PSTPIP2: variants seen among roughly 807,000 people sequenced by gnomAD.
PSTPIP2 encodes proline-serine-threonine phosphatase interacting protein 2.
In PSTPIP2, 33 loss-of-function variants were observed where a neutral mutation model predicts 63.3. That is an observed-to-expected ratio of 0.52 (90% CI 0.40 to 0.70). PSTPIP2 has a LOEUF of 0.70. PSTPIP2 is among the 30% of genes least tolerant of loss of function. PSTPIP2 has a pLI of 0.00. For synonymous variants in PSTPIP2, 125 were observed against 132.7 expected, an observed-to-expected ratio of 0.94 and a Z score of 0.40; for missense variants, 312 against 400.7, an observed-to-expected ratio of 0.78 and a Z score of 1.89.
chr18:46,028,468 A>G, intron 2 of PSTPIP2: 1 of 605,884 alleles, frequency 1.7e-6, no homozygotes, highest in Non-Finnish European at 3.2e-6. Context: ...CCGGCCGTGG[A>G]GTGGTGCCTG....
intron 2 of PSTPIP2, among the ~76,000 whole-genome samples, chr18:46,025,578 T>A (rs1344134472): frequency 1.3e-5 from 2 of 151,776 alleles, no homozygotes; most frequent in East Asian, 3.9e-4. Flanking sequence ...TAGTAACACA[T>A]CATATAGAAT....
chr18:45,990,471 CCAGGCTGGAGTGCAGTGGTG>C (rs1324901826), intron 13 of PSTPIP2, among the ~76,000 whole-genome samples: 1 of 151,868 alleles, frequency 6.6e-6, no homozygotes, highest in Non-Finnish European at 1.5e-5. Context: ...GACTCTGTCA[CCAGGCTGGAGTGCAGTGGTG>C]CAATCTTGGC....
chr18:46,010,000 C>T (rs1266955942), intron 5 of PSTPIP2, among the ~76,000 whole-genome samples: 1 of 152,216 alleles, frequency 6.6e-6, no homozygotes, highest in Non-Finnish European at 1.5e-5. Flanking sequence ...ATGTTCATTT[C>T]TACCCTTCCT....
At position 46,024,579 on chromosome 18, in the gene PSTPIP2, C is replaced by G. The variant is rs768504593; in HGVS notation, c.212+30G>C. ...GAGCTCCCAGGCATTATTAACCAACCTGGAAACCAGAAAAAAACTTGATAC... is the reference window on the plus strand; with the variant it reads ...GAGCTCCCAGGCATTATTAACCAACGTGGAAACCAGAAAAAAACTTGATAC... On this transcript the variant is annotated intron_variant, in intron 3 of 14. Coordinates refer to ENST00000409746, the MANE Select transcript of PSTPIP2 (RefSeq NM_024430.4). 8 of 1,590,188 alleles carry G rather than the reference C, an allele frequency of 5.0e-6. No homozygotes were observed. In the South Asian group the frequency reaches 8.8e-5, roughly 18 times the overall value.
intron 12 of PSTPIP2, among the ~76,000 whole-genome samples, chr18:45,991,032 A>G (rs7237598): frequency 0.24 from 36,563 of 152,038 alleles, 6,279 homozygotes; most frequent in African/African-American, 0.47. Flanking sequence ...TTAGCTGGGT[A>G]GGAAAGACTT....
intron 3 of PSTPIP2, among the ~76,000 whole-genome samples, chr18:46,019,239 T>A (rs371620925): frequency 2.0e-5 from 3 of 152,216 alleles, no homozygotes; most frequent in East Asian, 1.9e-4. Flanking sequence ...ATGCATCATT[T>A]TATATATATA....
chr18:46,049,940 G>A (rs1330358709), intron 1 of PSTPIP2, among the ~76,000 whole-genome samples: 1 of 151,828 alleles, frequency 6.6e-6, no homozygotes, highest in Admixed American at 6.6e-5. Flanking sequence ...ATATAAACAG[G>A]CAACACTCTA....
In PSTPIP2 at chr18:46,048,020, G is replaced by T. The variant is rs538394158; in HGVS notation, c.34-7973C>A. Reference sequence around the variant, plus strand: ...GTCCACATCCTGGTCCCTAGGACCTGTGAATATGCTTCCACACATAGCAAA... The same window carrying T: ...GTCCACATCCTGGTCCCTAGGACCTTTGAATATGCTTCCACACATAGCAAA... On this transcript the variant is annotated intron_variant, in intron 1 of 14. Coordinates refer to ENST00000409746, the MANE Select transcript of PSTPIP2 (RefSeq NM_024430.4). Among the ~76,000 whole-genome samples the T allele has an allele frequency of 2.0e-5, 3 of 152,358 alleles. No individual in the cohort carries two copies. In the South Asian group the frequency reaches 6.2e-4, roughly 32 times the overall value.
chr18:46,015,776 T>A, intron 4 of PSTPIP2, 127 bp downstream of exon 4: 1 of 1,016,604 alleles, frequency 9.8e-7, no homozygotes. Context: ...TTGTCTCACC[T>A]TAGGAGTTGC....
chr18:46,055,247 G>A (rs906410975), intron 1 of PSTPIP2, among the ~76,000 whole-genome samples: 1 of 152,080 alleles, frequency 6.6e-6, no homozygotes, highest in Admixed American at 6.6e-5. Context: ...TACACATCCA[G>A]TGCCTCTCCC....
chr18:46,005,399 G>T, intron 6 of PSTPIP2, 70 bp downstream of exon 6: 1 of 1,264,728 alleles, frequency 7.9e-7, no homozygotes, highest in Non-Finnish European at 1.1e-6. Context: ...GTAGGAATAT[G>T]TTCATACACA....
chr18:46,003,975 AG>A (rs1339325760), intron 6 of PSTPIP2, among the ~76,000 whole-genome samples: 1 of 151,170 alleles, frequency 6.6e-6, no homozygotes, highest in East Asian at 1.9e-4. Context: ...CATGTTGGCC[AG>A]GCTGGTCTCG....
chr18:46,023,213 A>G (rs1003311493), intron 3 of PSTPIP2, among the ~76,000 whole-genome samples: 6 of 152,144 alleles, frequency 3.9e-5, no homozygotes, highest in African/African-American at 1.4e-4. Flanking sequence ...ACAAATCCCC[A>G]TAACACATGT....
In PSTPIP2 at chr18:46,011,210, T is replaced by G. The variant is rs1431491198; in HGVS notation, c.325A>C (p.Arg109=). The change falls in exon 5 of 15, where the codon AGG becomes CGG. Residue 109 remains arginine (R), a synonymous_variant. Transcript: ENST00000409746. The part of the protein sequence containing the change: ...REEARKMEEF[R]EKQKLQRKKT... ...TTTCGTTGTAGTTTTTGCTTTTCCC[T>G]GAATTCTTCCATCTTCCTGGCCTCT... 1.9e-6 allele frequency: 3 copies of G among 1,613,958 alleles called. No individual in the cohort carries two copies. Among genetic ancestry groups the G allele is most frequent in the Non-Finnish European group, 2.5e-6 (3 of 1,179,950 alleles).
Position 46,035,450 on chromosome 18 carries a change from G to A in PSTPIP2, c.134+4497C>T, listed in dbSNP as rs576626294. ...AAAAAAAAGAAAAGAGAGAGAGAGA[G>A]AAATAAAAGAAGAGGAAAATTTGAC... is the stretch of plus-strand genomic sequence containing the variant. On this transcript the variant is annotated intron_variant, in intron 2 of 14. Transcript: ENST00000409746. 8.7e-5 allele frequency among the ~76,000 whole-genome samples: 13 copies of A among 148,730 alleles called. No homozygotes were observed. The South Asian group carries it at 2.8e-3, about 32-fold the overall frequency.
At chr18:46,071,183 G>T (rs532587512) in intron 1 of PSTPIP2, among the ~76,000 whole-genome samples, 2 of 152,234 alleles carry the variant, frequency 1.3e-5, no homozygotes, top group East Asian at 1.9e-4. Context: ...CAGCCCACGT[G>T]GGGTAGAGGG....
In PSTPIP2 at chr18:46,066,650, G is replaced by A. The variant is rs987229702; in HGVS notation, c.33+5506C>T. 7.2e-5 allele frequency among the ~76,000 whole-genome samples: 11 copies of A among 152,142 alleles called. No homozygotes were observed. The East Asian group carries it at 1.9e-3, about 27-fold the overall frequency. On this transcript the variant is annotated intron_variant, in intron 1 of 14. Coordinates refer to ENST00000409746, the MANE Select transcript of PSTPIP2 (RefSeq NM_024430.4). ...GTGCTGCACCCCTTCTTGAGTATAGGGCTTCTAAAGAAGCCAGAGCCCGTC... is the reference window on the plus strand; with the variant it reads ...GTGCTGCACCCCTTCTTGAGTATAGAGCTTCTAAAGAAGCCAGAGCCCGTC...
rs1324479403 is a variant in PSTPIP2, at chr18:46,072,224, C to G, written c.-36G>C. The G allele has an allele frequency of 5.2e-6, 8 of 1,530,134 alleles. No individual in the cohort carries two copies. The highest frequency in any genetic ancestry group is 2.1e-5 in the Admixed American group (1 of 48,778). 94.8% of individuals were successfully genotyped at this position (1,530,134 alleles called of 1,614,324 possible). ...GTGGGGGCGCGGAGGAGAGCCGGGC[C>G]GCAGGTAGCACAGAGCGGGGAGGCC... On this transcript the variant is annotated 5_prime_UTR_variant, in exon 1 of 15. Transcript: ENST00000409746.
intron 2 of PSTPIP2, chr18:46,028,828 G>A: frequency 6.4e-7 from 1 of 1,556,770 alleles, no homozygotes; most frequent in Non-Finnish European, 8.8e-7. Flanking sequence ...AACTTCAGAT[G>A]ATGAAAGTGA....
Sources: gnomAD v4.1 joint callset for allele counts (sites outside exome capture counted in the v4.1 genomes callset) on GRCh38, gnomAD v4.1.1 for gene constraint, MANE v1.5 for transcripts, NCBI Gene and HGNC (gene_info 2026-07-23, HGNC 2026-07-21) for gene names.